Variants in HUWE1 observed in about 807,000 individuals in gnomAD.
HUWE1 encodes the protein HECT, UBA and WWE domain containing E3 ubiquitin protein ligase 1, also known as E3 ubiquitin-protein ligase HUWE1.
Under a neutral mutation model 299.4 loss-of-function variants are expected in HUWE1, and 18 were observed. The observed-to-expected ratio is 0.06, with a 90% confidence interval of 0.04 to 0.09. HUWE1 has a LOEUF of 0.09. HUWE1 is among the 10% of genes least tolerant of loss of function. The pLI is 1.00. For missense variants in HUWE1, 1,832 were observed against 3,462.3 expected, an observed-to-expected ratio of 0.53 and a Z score of 11.82; for synonymous variants, 1,317 against 1,286.1, an observed-to-expected ratio of 1.02 and a Z score of -0.51.
chrX:53,674,917 A>AAGT (rs1557050622), intron 3 of HUWE1, among the ~76,000 whole-genome samples: 2 of 112,186 alleles, frequency 1.8e-5, no homozygotes, highest in African/African-American at 6.5e-5. Flanking sequence ...CATAGCTACT[A>AAGT]AGTATTTTAT....
At chrX:53,623,086 C>G (rs139280880) in intron 19 of HUWE1, among the ~76,000 whole-genome samples, 1 of 111,367 alleles carries the variant, frequency 9.0e-6, no homozygotes, top group African/African-American at 3.3e-5. Flanking sequence ...TGCTCTAAGT[C>G]TCATTTCCTG....
At chrX:53,663,608 T>C (rs782744257) in intron 3 of HUWE1, among the ~76,000 whole-genome samples, 31 of 111,626 alleles carry the variant, frequency 2.8e-4, no homozygotes, top group Non-Finnish European at 4.5e-4. Context: ...CACTAGCTTA[T>C]GTTCTCAAGT....
intron 67 of HUWE1, 126 bp from the exon 68 acceptor site, chrX:53,548,399 G>A: frequency 1.3e-6 from 1 of 794,230 alleles, no homozygotes; most frequent in Non-Finnish European, 1.8e-6. Context: ...TGGGGGATAT[G>A]TCATATAAGA....
intron 49 of HUWE1, among the ~76,000 whole-genome samples, chrX:53,568,384 G>GAATA (rs1556947539): frequency 9.0e-6 from 1 of 110,744 alleles, no homozygotes; most frequent in Non-Finnish European, 1.9e-5. Context: ...TGGGTGGTAG[G>GAATA]AATACAGTGT....
chrX:53,557,206 T>C (rs782106021), intron 60 of HUWE1, 176 bp downstream of exon 60: 4 of 565,115 alleles, frequency 7.1e-6, no homozygotes, highest in East Asian at 3.3e-5. Flanking sequence ...GGAAAGACAG[T>C]AGACTGTATA....
chrX:53,644,850 C>A (rs1364280824), intron 7 of HUWE1, among the ~76,000 whole-genome samples: 1 of 111,858 alleles, frequency 8.9e-6, no homozygotes, highest in Non-Finnish European at 1.9e-5. Context: ...CTTCTGGCTT[C>A]AATTACAATC....
In HUWE1 at chrX:53,534,653, C is replaced by G; in HGVS notation, c.12694G>C (p.Glu4232Gln). 2.5e-6 allele frequency: 3 copies of G among 1,211,534 alleles called. No homozygotes were observed. Among genetic ancestry groups the G allele is most frequent in the Non-Finnish European group, 3.4e-6 (3 of 895,441 alleles). ...GAAATGAGGCGCTTTGGAATGATCT[C>G]ATAGAAGCCTTCTAAGAAAGCCGCC... ...QLAAFLEGFY[E>Q]IIPKRLISIF... Residue 4232 changes from glutamate (E) to glutamine (Q), a missense_variant, in exon 82 of 84, where the codon GAG becomes CAG. Physicochemically the swap from Glu to Gln is conservative, Grantham distance 29. Coordinates refer to ENST00000262854, the MANE Select transcript of HUWE1 (RefSeq NM_031407.7).
chrX:53,613,855 A>C (rs1224936448), intron 23 of HUWE1, among the ~76,000 whole-genome samples: 4 of 112,230 alleles, frequency 3.6e-5, no homozygotes, highest in Non-Finnish European at 7.5e-5. Context: ...GCCTGAAAAA[A>C]ATCAAGCAGT....
At chrX:53,566,111 G>GTA in intron 49 of HUWE1, among the ~76,000 whole-genome samples, 1 of 48,476 alleles carries the variant, frequency 2.1e-5, no homozygotes, top group Non-Finnish European at 3.8e-5. Flanking sequence ...ATGTATGTAT[G>GTA]TATGTATGTG....
intron 15 of HUWE1, 95 bp from the exon 16 acceptor site, chrX:53,627,974 G>A: frequency 2.5e-6 from 2 of 788,677 alleles, no homozygotes; most frequent in Non-Finnish European, 3.8e-6. Flanking sequence ...TGGGGCCTCA[G>A]TAAGGCAGCA....
rs1556970274 is a variant in HUWE1, at chrX:53,583,735, G to A, written c.5343C>T (p.Leu1781=). ...TGTGGTCCCGGGTGAGCCTCAGACA[G>A]AGACGAAGGGTGGCATGCAAAGTAT... ...DPDTLHATLR[L]CLRLTRDHKY... The change falls in exon 42 of 84, where the codon CTC becomes CTT. Residue 1781 remains leucine, a synonymous_variant. Coordinates refer to ENST00000262854, the MANE Select transcript of HUWE1 (RefSeq NM_031407.7). 1 of 1,211,210 alleles carries A rather than the reference G, an allele frequency of 8.3e-7. No homozygotes were observed. The highest frequency in any genetic ancestry group is 2.2e-5 in the Admixed American group (1 of 45,984).
At chrX:53,572,331 A>G (rs1404477735) in intron 47 of HUWE1, among the ~76,000 whole-genome samples, 2 of 111,947 alleles carry the variant, frequency 1.8e-5, no homozygotes, top group East Asian at 5.6e-4. Flanking sequence ...GGCAGCTTCT[A>G]GGGAGCTTGT....
At chrX:53,647,231 T>C (rs1178006876) in intron 6 of HUWE1, 137 bp downstream of exon 6, 1 of 519,942 alleles carries the variant, frequency 1.9e-6, no homozygotes, top group Non-Finnish European at 3.4e-6. Flanking sequence ...AGAAACATTC[T>C]ACTATTATCT....
chrX:53,543,849 C>T lies in HUWE1; in HGVS notation c.11371G>A (p.Ala3791Thr). 1 of 1,211,473 alleles carries T rather than the reference C, an allele frequency of 8.3e-7. No individual in the cohort carries two copies. The highest frequency in any genetic ancestry group is 1.1e-6 in the Non-Finnish European group (1 of 895,225). ...EGQRARRQQQ[A>T]ATSESSQSEA... is the part of the protein sequence containing the mutation. ...ACAGGCATCATGCTAACCGTTGCTGCTTGTTGCTGTCTCCGCGCCCTTTGA... is the reference window on the plus strand; with the variant it reads ...ACAGGCATCATGCTAACCGTTGCTGTTTGTTGCTGTCTCCGCGCCCTTTGA... Residue 3791 changes from alanine to threonine, a missense_variant, in exon 73 of 84, where the codon GCA becomes ACA. Physicochemically the swap from Ala to Thr is moderately conservative, Grantham distance 58 (BLOSUM62 0). This residue lies in a region of HUWE1 where 41 missense variants were observed against 124.0 expected (regional missense o/e 0.33). Transcript: ENST00000262854.
chrX:53,603,255 G>GAC (rs1250087055), intron 27 of HUWE1, 113 bp downstream of exon 27: 1 of 716,834 alleles, frequency 1.4e-6, no homozygotes, highest in Non-Finnish European at 2.1e-6. Context: ...AAGAGGGAAG[G>GAC]ACAAGGAGGC....
intron 4 of HUWE1, among the ~76,000 whole-genome samples, chrX:53,653,467 T>C (rs1411948596): frequency 1.8e-4 from 20 of 111,396 alleles, no homozygotes; most frequent in African/African-American, 6.5e-4. Flanking sequence ...AACAGGACTA[T>C]CACAATGCAA....
chrX:53,627,467 T>C lies in HUWE1; in HGVS notation c.1432A>G (p.Lys478Glu). The C allele has an allele frequency of 1.7e-6, 2 of 1,205,050 alleles. No individual in the cohort carries two copies. Among genetic ancestry groups the C allele is most frequent in the Non-Finnish European group, 2.2e-6 (2 of 890,224 alleles). ...RKECPFVIKPKIQRPNTTQEG... is the reference protein window; with the variant it reads ...RKECPFVIKPEIQRPNTTQEG... The stretch of plus-strand genomic sequence containing the variant: ...TGTGTAGTATTGGGTCTCTGGATCT[T>C]TGGCTTGATCACAAACGGACATTCT... The change falls in exon 17 of 84, where the codon AAG becomes GAG. Residue 478 changes from lysine (K) to glutamate (E), a missense_variant. Around this residue, in one of 15 missense-constraint regions of HUWE1, gnomAD observed 658 missense variants for 1,282.6 expected, o/e 0.51. Transcript: ENST00000262854.
At chrX:53,587,152 G>A (rs905901766) in intron 37 of HUWE1, among the ~76,000 whole-genome samples, 6 of 112,033 alleles carry the variant, frequency 5.4e-5, no homozygotes, top group African/African-American at 1.9e-4. Context: ...TGATGATTGA[G>A]GTTTTATATA....
chrX:53,579,564 G>C (rs1459891745), intron 43 of HUWE1, among the ~76,000 whole-genome samples: 2 of 108,759 alleles, frequency 1.8e-5, no homozygotes, highest in East Asian at 2.9e-4. Context: ...TGTGTGGATG[G>C]AAGTAGACAT....
Sources: allele counts gnomAD v4.1 joint callset (sites outside exome capture counted in the v4.1 genomes callset), GRCh38; gene constraint gnomAD v4.1.1; regional missense constraint gnomAD v4.1.1; transcripts MANE v1.5; gene names NCBI Gene and HGNC (gene_info 2026-07-23, HGNC 2026-07-21).